RBFOX1: variants seen among roughly 807,000 people sequenced by gnomAD.
The protein encoded by RBFOX1 is RNA binding protein fox-1 homolog 1.
In RBFOX1, 8 loss-of-function variants were observed where a neutral mutation model predicts 57.7. The ratio of observed to expected loss-of-function variants is 0.14; its 90% CI spans 0.08 to 0.25. The LOEUF is 0.25. Ranked by LOEUF, RBFOX1 falls within the 10% of genes least tolerant of loss-of-function variation. The pLI, the probability that RBFOX1 is intolerant of heterozygous loss-of-function variation, is 1.00. For missense variants in RBFOX1, 611 were observed against 548.5 expected (o/e 1.11, Z -1.14); for synonymous variants, 326 against 222.4 (o/e 1.47, Z -4.15).
intron 4 of RBFOX1, among the ~76,000 whole-genome samples, chr16:7,353,501 G>A (rs561342161): frequency 5.9e-5 from 9 of 152,208 alleles, no homozygotes; most frequent in South Asian, 4.2e-4. Flanking sequence ...ACACAAAAAC[G>A]TGTGTACCAG....
intron 2 of RBFOX1, among the ~76,000 whole-genome samples, chr16:6,603,445 A>G (rs974600244): frequency 6.6e-6 from 1 of 152,186 alleles, no homozygotes; most frequent in Non-Finnish European, 1.5e-5. Flanking sequence ...TGTGTTATCA[A>G]AATGGACTGT....
intron 3 of RBFOX1, among the ~76,000 whole-genome samples, chr16:6,841,451 A>G (rs145410009): frequency 5.9e-4 from 90 of 152,288 alleles, no homozygotes; most frequent in African/African-American, 1.9e-3. Context: ...TTGCTTGTCA[A>G]TAAAACCCTC....
intron 3 of RBFOX1, among the ~76,000 whole-genome samples, chr16:6,940,862 T>TGC (rs2078298902): frequency 8.0e-6 from 1 of 125,130 alleles, no homozygotes; most frequent in Non-Finnish European, 1.7e-5. Flanking sequence ...TGTGTGTGTG[T>TGC]GTGTGTGTGT....
chr16:6,356,410 C>T (rs1224420966), intron 2 of RBFOX1, among the ~76,000 whole-genome samples: 1 of 152,196 alleles, frequency 6.6e-6, no homozygotes, highest in Non-Finnish European at 1.5e-5. Context: ...AGCCCTCCAG[C>T]CTGGGCAACA....
chr16:6,842,759 C>T (rs779728232), intron 3 of RBFOX1, among the ~76,000 whole-genome samples: 1 of 151,398 alleles, frequency 6.6e-6, no homozygotes, highest in African/African-American at 2.4e-5. Context: ...ACCTGTCAAC[C>T]CGTCATCTAG....
At chr16:7,079,095 T>C (rs929899512) in intron 4 of RBFOX1, among the ~76,000 whole-genome samples, 3 of 152,014 alleles carry the variant, frequency 2.0e-5, no homozygotes, top group East Asian at 1.9e-4. Flanking sequence ...CGTGTATCTA[T>C]CCCATATGGT....
At chr16:6,428,671 A>G (rs1477593768) in intron 2 of RBFOX1, among the ~76,000 whole-genome samples, 1 of 152,222 alleles carries the variant, frequency 6.6e-6, no homozygotes, top group African/African-American at 2.4e-5. Context: ...ACTATTATCT[A>G]AAAGCAGCTC....
At chr16:7,380,460 G>A (rs1472451043) in intron 4 of RBFOX1, among the ~76,000 whole-genome samples, 2 of 152,142 alleles carry the variant, frequency 1.3e-5, no homozygotes, top group Non-Finnish European at 2.9e-5. Context: ...GCTTTTCAAT[G>A]TTGGCACATA....
chr16:6,780,773 T>G (rs1160362644), intron 3 of RBFOX1, among the ~76,000 whole-genome samples: 3 of 151,866 alleles, frequency 2.0e-5, no homozygotes, highest in Non-Finnish European at 4.4e-5. Flanking sequence ...CGCATACCTT[T>G]TGGTCATTTG....
intron 3 of RBFOX1, among the ~76,000 whole-genome samples, chr16:6,782,447 T>G (rs1490931004): frequency 6.6e-6 from 1 of 152,168 alleles, no homozygotes; most frequent in Non-Finnish European, 1.5e-5. Flanking sequence ...TGTATTTATA[T>G]AGTTTCCAGA....
chr16:6,867,250 CT>C (rs1228365330), intron 3 of RBFOX1, among the ~76,000 whole-genome samples: 2 of 151,640 alleles, frequency 1.3e-5, no homozygotes, highest in East Asian at 1.9e-4. Flanking sequence ...TTTTTTCTTC[CT>C]TTTTTTTCCT....
At chr16:6,234,222 A>G (rs762799205) in intron 1 of RBFOX1, among the ~76,000 whole-genome samples, 4 of 152,162 alleles carry the variant, frequency 2.6e-5, no homozygotes, top group Admixed American at 6.5e-5. Flanking sequence ...AACTTGCTTA[A>G]TTTTTATTTA....
intron 1 of RBFOX1, among the ~76,000 whole-genome samples, chr16:6,022,270 T>C (rs2095096680): frequency 6.6e-6 from 1 of 151,714 alleles, no homozygotes; most frequent in Admixed American, 6.6e-5. Flanking sequence ...TTTTTTTTAA[T>C]TAGAACATCA....
intron 3 of RBFOX1, among the ~76,000 whole-genome samples, chr16:6,990,566 A>T (rs553414870): frequency 3.3e-5 from 5 of 152,248 alleles, no homozygotes; most frequent in African/African-American, 9.6e-5. Context: ...TAGAAGGATG[A>T]TACTGTGTCC....
At chr16:7,706,439 C>T (rs2082466588) in intron 14 of RBFOX1, among the ~76,000 whole-genome samples, 1 of 152,074 alleles carries the variant, frequency 6.6e-6, no homozygotes, top group Non-Finnish European at 1.5e-5. Flanking sequence ...AAACTATGCC[C>T]AGCGTTATAG....
At chr16:6,204,760 A>T (rs1157281087) in intron 1 of RBFOX1, among the ~76,000 whole-genome samples, 1 of 152,190 alleles carries the variant, frequency 6.6e-6, no homozygotes, top group East Asian at 1.9e-4. Context: ...ATTGAGTTGG[A>T]TGACCTTATT....
At chr16:6,495,715 T>C (rs2095751889) in intron 2 of RBFOX1, among the ~76,000 whole-genome samples, 1 of 152,160 alleles carries the variant, frequency 6.6e-6, no homozygotes, top group Admixed American at 6.5e-5. Flanking sequence ...CCTCCCTTGG[T>C]TACACACTGT....
chr16:6,216,167 A>C (rs1011949922), intron 1 of RBFOX1, among the ~76,000 whole-genome samples: 1 of 152,158 alleles, frequency 6.6e-6, no homozygotes, highest in Non-Finnish European at 1.5e-5. Context: ...ATCATGAAAA[A>C]TAACTAATGG....
chr16:6,554,459 G>A (rs1037689231), intron 2 of RBFOX1, among the ~76,000 whole-genome samples: 4 of 152,102 alleles, frequency 2.6e-5, no homozygotes, highest in African/African-American at 9.7e-5. Flanking sequence ...TTAAATTGTG[G>A]TGATAATGGC....
Sources: allele counts gnomAD v4.1 joint callset (sites outside exome capture counted in the v4.1 genomes callset), GRCh38; gene constraint gnomAD v4.1.1; transcripts MANE v1.5; gene names NCBI Gene and HGNC (gene_info 2026-07-23, HGNC 2026-07-21).